ROGDI: variants seen among roughly 807,000 people sequenced by gnomAD.
ROGDI encodes the protein protein rogdi homolog.
Under a neutral mutation model 43.1 loss-of-function variants are expected in ROGDI, and 46 were observed. That is an observed-to-expected ratio of 1.07 (90% CI 0.84 to 1.37). ROGDI has a LOEUF of 1.37. ROGDI is among the 40% of genes most tolerant of loss of function. The probability of loss-of-function intolerance (pLI) is 0.00; values close to 1 mark genes in which losing one functional copy is unlikely to be tolerated. For synonymous variants in ROGDI, 243 were observed against 162.0 expected, an observed-to-expected ratio of 1.50 and a Z score of -3.80; for missense variants, 518 against 383.9, an observed-to-expected ratio of 1.35 and a Z score of -2.92.
intron 4 of ROGDI, 70 bp downstream of exon 4, chr16:4,801,197 G>T: frequency 1.5e-6 from 2 of 1,347,618 alleles, no homozygotes; most frequent in Non-Finnish European, 2.1e-6. Context: ...GGCTTGTACA[G>T]AGAGAAAGTG....
rs777114840 is a variant in ROGDI at position 4,797,486 on chromosome 16, T to C, written c.838A>G (p.Ser280Gly). 1.3e-5 allele frequency: 21 copies of C among 1,613,310 alleles called. No homozygotes were observed. In the Admixed American group the frequency reaches 3.2e-4, roughly 24 times the overall value. ...CAGAAGGGTCTGTAGCTCCAGTAGCTGGAGAACACGGAGATCTGCAAGGGG... is the reference window on the plus strand; with the variant it reads ...CAGAAGGGTCTGTAGCTCCAGTAGCCGGAGAACACGGAGATCTGCAAGGGG... Reference protein sequence around the residue: ...QLKDKISVFSSYWSYRPF With the variant: ...QLKDKISVFSGYWSYRPF Residue 280 changes from serine to glycine, a missense_variant, in exon 11 of 11, where the codon AGC (serine) becomes GGC (glycine). By Grantham distance (56) the Ser-to-Gly change is moderately conservative. Transcript: ENST00000322048.
chr16:4,797,706 G>C lies in ROGDI; in HGVS notation c.822+8C>G. On this transcript the variant is annotated splice_region_variant and intron_variant, in intron 10 of 10. Transcript: ENST00000322048. ...TTCCCCTAATGAAGGCGCTCGGCCC[G>C]GGCCCACCTTGTCCTTGAGCTGCTG... The C allele has an allele frequency of 8.2e-7, 1 of 1,225,484 alleles. No individual in the cohort carries two copies. The allele number at this position is 1,225,484 out of a possible 1,614,324, so 75.9% of individuals were successfully genotyped here.
rs76192577 is a variant in ROGDI at position 4,797,190 on chromosome 16, A to G, written c.*270T>C. Reference sequence around the variant, plus strand: ...TGCGCCTGGCCCTGTCCTGAGTCCAAAGATTCCCATGGTGATCAGAGGGCG... The same window carrying G: ...TGCGCCTGGCCCTGTCCTGAGTCCAGAGATTCCCATGGTGATCAGAGGGCG... On this transcript the variant is annotated 3_prime_UTR_variant, in exon 11 of 11. Coordinates refer to ENST00000322048, the MANE Select transcript of ROGDI (RefSeq NM_024589.3). 1,093 of 425,784 alleles carry G rather than the reference A, an allele frequency of 2.6e-3. 5 individuals carry two copies. Among genetic ancestry groups the G allele is most frequent in the African/African-American group, 0.02 (1,013 of 49,764 alleles). The allele number at this position is 425,784 out of a possible 1,614,324, so 26.4% of individuals were successfully genotyped here.
rs536893774 is a variant in ROGDI, at chr16:4,797,466, G to C, written c.858C>G (p.Pro286=). ...SVFSSYWSYR[P]F ...AAGCTCCTGGGTGCTGTGATCAGAA[G>C]GGTCTGTAGCTCCAGTAGCTGGAGA... The change falls in exon 11 of 11, where the codon CCC becomes CCG. Residue 286 remains proline (P), a synonymous_variant. Transcript: ENST00000322048. 1.9e-5 allele frequency: 31 copies of C among 1,613,382 alleles called. No individual in the cohort carries two copies. The South Asian group carries it at 3.3e-4, about 17-fold the overall frequency.
At chr16:4,802,027 G>A in intron 2 of ROGDI, 1 of 582,074 alleles carries the variant, frequency 1.7e-6, no homozygotes, top group Non-Finnish European at 3.2e-6. Context: ...TTTTGCCAAT[G>A]AGAAAAGGGA....
At chr16:4,801,444 C>G (rs930996421) in intron 3 of ROGDI, 59 bp downstream of exon 3, 5 of 1,569,612 alleles carry the variant, frequency 3.2e-6, no homozygotes, top group Non-Finnish European at 3.5e-6. Flanking sequence ...AGGGCTATGG[C>G]CATGCCTCCT....
chr16:4,802,555 G>T lies in ROGDI; in HGVS notation c.17C>A (p.Ala6Glu). The change falls in exon 1 of 11, where the codon GCA (alanine) becomes GAA (glutamate). Residue 6 changes from alanine (A) to glutamate (E), a missense_variant. By Grantham distance (107) the Ala-to-Glu change is moderately radical. Transcript: ENST00000322048. ...CACCGCCCGCTCCGCCGCCGTCGCT[G>T]CCATCACGGTGGCCATGGCCGCAGG... MATVM[A>E]ATAAERAVLE... 7.7e-7 allele frequency: 1 copy of T among 1,295,868 alleles called. No individual in the cohort carries two copies. The highest frequency in any genetic ancestry group is 9.8e-7 in the Non-Finnish European group (1 of 1,015,438). The allele number at this position is 1,295,868 out of a possible 1,614,324, so 80.3% of individuals were successfully genotyped here. A position where few individuals can be genotyped will look rare whatever the true frequency, so the allele number is the denominator to read the frequency against.
chr16:4,800,428 G>C, intron 5 of ROGDI, 70 bp downstream of exon 5: 1 of 1,276,372 alleles, frequency 7.8e-7, no homozygotes, highest in African/African-American at 1.5e-5. Flanking sequence ...CCCTCTCCAG[G>C]GAGGCCCCGC....
chr16:4,797,429 C>T lies in ROGDI; in HGVS notation c.*31G>A. On this transcript the variant is annotated 3_prime_UTR_variant, in exon 11 of 11. Transcript: ENST00000322048. The stretch of plus-strand genomic sequence containing the variant: ...GGGTATGAGTAGGGGACGGGGCCGC[C>T]TTCCTGGAGACAAGCTCCTGGGTGC... 3.1e-6 allele frequency: 5 copies of T among 1,606,116 alleles called. No homozygotes were observed. The highest frequency in any genetic ancestry group is 4.3e-6 in the Non-Finnish European group (5 of 1,175,892).
chr16:4,797,154 A>C lies in ROGDI; in HGVS notation c.*306T>G. 3.1e-6 allele frequency: 1 copy of C among 325,594 alleles called. No individual in the cohort carries two copies. Among genetic ancestry groups the C allele is most frequent in the Non-Finnish European group, 5.8e-6 (1 of 173,866 alleles). 20.2% of individuals were successfully genotyped at this position (325,594 alleles called of 1,614,324 possible). ...GGGAGGGGACAGCGAAGGGGAGAGG[A>C]GGGAGAGCCCTGCGCCTGGCCCTGT... On this transcript the variant is annotated 3_prime_UTR_variant, in exon 11 of 11. Coordinates refer to ENST00000322048, the MANE Select transcript of ROGDI (RefSeq NM_024589.3).
At chr16:4,798,429 G>A (rs1275424392) in intron 7 of ROGDI, 140 bp downstream of exon 7, 6 of 758,964 alleles carry the variant, frequency 7.9e-6, no homozygotes, top group Non-Finnish European at 1.3e-5. Flanking sequence ...GGAAGCCAAG[G>A]ACCCCATCCC....
Position 4,801,349 on chromosome 16 carries a change from C to T in ROGDI, c.201-28G>A, listed in dbSNP as rs2082714940. On this transcript the variant is annotated intron_variant, in intron 3 of 10. Transcript: ENST00000322048. ...GTAACATGTGGCGTCAGAGCGGTGCCTGTGGTCACCCCCCCACCACCCAGC... is the reference window on the plus strand; with the variant it reads ...GTAACATGTGGCGTCAGAGCGGTGCTTGTGGTCACCCCCCCACCACCCAGC... 1.9e-5 allele frequency: 30 copies of T among 1,595,214 alleles called. No homozygotes were observed. The East Asian group carries it at 6.5e-4, about 35-fold the overall frequency.
rs2082693928 is a variant in ROGDI at position 4,799,672 on chromosome 16, CG to C, written c.432+13del. On this transcript the variant is annotated intron_variant, in intron 6 of 10. Transcript: ENST00000322048. ...TGGGACTAGGCCCAGGAGTCAGGCC[CG>C]GGGGCAGCTCACCTTGAGGACCTCA... 4 of 1,603,846 alleles carry C rather than the reference CG, an allele frequency of 2.5e-6. No individual in the cohort carries two copies. In the South Asian group the frequency reaches 3.3e-5, roughly 13 times the overall value.
rs2082741922 is a variant in ROGDI at position 4,802,371 on chromosome 16, C to A, written c.117+11G>T. 2 of 1,564,490 alleles carry A rather than the reference C, an allele frequency of 1.3e-6. No homozygotes were observed. The highest frequency in any genetic ancestry group is 1.7e-4 in the Middle Eastern group (1 of 5,868). ...CCGCCACGCCCGGCGGGGCAGGGCG[C>A]GGGTCGTTACCTTGAGGATGTCCTG... On this transcript the variant is annotated intron_variant, in intron 2 of 10. Coordinates refer to ENST00000322048, the MANE Select transcript of ROGDI (RefSeq NM_024589.3).
In ROGDI at chr16:4,797,105, C is replaced by T. The variant is rs886052035; in HGVS notation, c.*355G>A. ...CCCCGGGACTCATAGCTCAGTGCCA[C>T]CCCCCGACACCATGCCCTCCAGGGG... On this transcript the variant is annotated 3_prime_UTR_variant, in exon 11 of 11. Transcript: ENST00000322048. The T allele has an allele frequency of 3.6e-6, 1 of 274,440 alleles. No homozygotes were observed. Among genetic ancestry groups the T allele is most frequent in the South Asian group, 4.9e-5 (1 of 20,476 alleles). The allele number at this position is 274,440 out of a possible 1,614,324, so 17.0% of individuals were successfully genotyped here.
At chr16:4,800,437 G>A (rs754421468) in intron 5 of ROGDI, 61 bp downstream of exon 5, 23 of 1,387,054 alleles carry the variant, frequency 1.7e-5, no homozygotes, top group African/African-American at 7.2e-5. Context: ...GGGAGGCCCC[G>A]CGGCAGGCCT....
At chr16:4,798,438 C>T (rs1433459947) in intron 7 of ROGDI, 131 bp downstream of exon 7, 1 of 817,380 alleles carries the variant, frequency 1.2e-6, no homozygotes, top group Middle Eastern at 3.7e-4. Context: ...GGACCCCATC[C>T]CAGAAACCTG....
At chr16:4,799,200 T>C (rs973790453) in intron 6 of ROGDI, among the ~76,000 whole-genome samples, 8 of 152,056 alleles carry the variant, frequency 5.3e-5, no homozygotes, top group African/African-American at 1.9e-4. Flanking sequence ...ACCAGGGTGA[T>C]GTGGCTCCCA....
At chr16:4,800,270 C>G (rs2082699244) in intron 5 of ROGDI, among the ~76,000 whole-genome samples, 1 of 152,180 alleles carries the variant, frequency 6.6e-6, no homozygotes, top group South Asian at 2.1e-4. Context: ...ACTCCACAGT[C>G]CCGATGTGGC....
Sources: allele counts gnomAD v4.1 joint callset (sites outside exome capture counted in the v4.1 genomes callset), GRCh38; gene constraint gnomAD v4.1.1; transcripts MANE v1.5; gene names NCBI Gene and HGNC (gene_info 2026-07-23, HGNC 2026-07-21).